PCDHA6: variants seen among roughly 807,000 people sequenced by gnomAD.
PCDHA6 encodes the protein protocadherin alpha-6.
A neutral mutation model predicts 60.3 loss-of-function variants in PCDHA6; 55 were observed. The observed-to-expected ratio is 0.91, with a 90% CI of 0.73 to 1.14. PCDHA6 has a LOEUF of 1.14. PCDHA6 is among the 50% of genes most tolerant of loss of function. The pLI is 0.00. For missense variants in PCDHA6, 1,327 were observed against 1,256.5 expected, an observed-to-expected ratio of 1.06 and a Z score of -0.85; for synonymous variants, 652 against 557.9, an observed-to-expected ratio of 1.17 and a Z score of -2.38.
chr5:140,872,354 A>G (rs2053612951), intron 1 of PCDHA6, among the ~76,000 whole-genome samples: 1 of 152,138 alleles, frequency 6.6e-6, no homozygotes, highest in Non-Finnish European at 1.5e-5. Context: ...TTGCCAGGCA[A>G]AGTGGTTCAG....
At chr5:140,917,522 G>A (rs931609211) in intron 1 of PCDHA6, among the ~76,000 whole-genome samples, 1 of 152,144 alleles carries the variant, frequency 6.6e-6, no homozygotes, top group Non-Finnish European at 1.5e-5. Context: ...TTTATTCTAC[G>A]GTTTGTATAG....
chr5:141,001,089 C>G (rs972790418), intron 3 of PCDHA6, among the ~76,000 whole-genome samples: 2 of 152,042 alleles, frequency 1.3e-5, no homozygotes, highest in Admixed American at 1.3e-4. Flanking sequence ...ACCCCATAAA[C>G]TGTCTAATCC....
intron 1 of PCDHA6, among the ~76,000 whole-genome samples, chr5:140,960,487 GGTTT>G: frequency 6.6e-6 from 1 of 152,236 alleles, no homozygotes; most frequent in South Asian, 2.1e-4. Context: ...CAGAGGTGTA[GGTTT>G]GTTTGTTCCA....
intron 3 of PCDHA6, among the ~76,000 whole-genome samples, chr5:140,995,275 A>G (rs1383239362): frequency 6.6e-6 from 1 of 152,146 alleles, no homozygotes; most frequent in African/African-American, 2.4e-5. Context: ...GCCCTTTGAT[A>G]CCAAAACAGC....
intron 3 of PCDHA6, among the ~76,000 whole-genome samples, chr5:140,994,582 G>A (rs1179279862): frequency 6.6e-6 from 1 of 152,062 alleles, no homozygotes; most frequent in Non-Finnish European, 1.5e-5. Context: ...GCATGCACTT[G>A]TAGTCTCAGC....
At chr5:140,984,612 G>T (rs2097111075) in intron 3 of PCDHA6, among the ~76,000 whole-genome samples, 1 of 152,026 alleles carries the variant, frequency 6.6e-6, no homozygotes, top group Admixed American at 6.6e-5. Flanking sequence ...CTGCATCAGT[G>T]GTGTAAAGTT....
intron 1 of PCDHA6, chr5:140,927,441 G>A: frequency 5.0e-6 from 8 of 1,614,130 alleles, no homozygotes; most frequent in Non-Finnish European, 4.2e-6. Context: ...GCGAATACCC[G>A]GAGTTGGTGT....
chr5:140,834,541 G>A, intron 1 of PCDHA6: 2 of 1,614,080 alleles, frequency 1.2e-6, no homozygotes, highest in African/African-American at 1.3e-5. Flanking sequence ...CAGGACCTGG[G>A]GCTGGAGCTG....
In PCDHA6 at chr5:141,010,428, A is replaced by G. The variant is rs2098417264; in HGVS notation, c.*491A>G. The G allele has an allele frequency of 9.2e-7, 1 of 1,087,372 alleles. No individual in the cohort carries two copies. Among genetic ancestry groups the G allele is most frequent in the East Asian group, 2.6e-5 (1 of 38,240 alleles). 67.4% of individuals were successfully genotyped at this position (1,087,372 alleles called of 1,614,324 possible). ...GACTAATTGGTACAAGGAAGGCAAG[A>G]AAACAAAGACAAATAAACAGCGGAA... On this transcript the variant is annotated 3_prime_UTR_variant, in exon 4 of 4. Transcript: ENST00000529310.
intron 1 of PCDHA6, chr5:140,841,651 G>A (rs2150320143): frequency 2.0e-5 from 32 of 1,614,034 alleles, no homozygotes; most frequent in Middle Eastern, 1.6e-4. Flanking sequence ...AGGTGATCGT[G>A]GACAGGCCGC....
At chr5:140,948,227 A>G (rs1214697523) in intron 1 of PCDHA6, among the ~76,000 whole-genome samples, 17 of 151,634 alleles carry the variant, frequency 1.1e-4, no homozygotes, top group African/African-American at 4.1e-4. Flanking sequence ...GTTAGATTTA[A>G]CTTGTATTTT....
chr5:140,853,659 A>T (rs1216918086), intron 1 of PCDHA6: 1 of 988,622 alleles, frequency 1.0e-6, no homozygotes, highest in African/African-American at 1.8e-5. Context: ...TGTTCCAGAC[A>T]AATTGGGGCC....
Position 141,000,421 on chromosome 5 carries a change from A to ATTTT in PCDHA6, c.2543-9186_2543-9183dup, listed in dbSNP as rs34755515. ...TATATATATATATATATATATATAT[A>ATTTT]TTTTTTTTTTTTTTTTTTTTTTTGA... On this transcript the variant is annotated intron_variant, in intron 3 of 3. Transcript: ENST00000529310. Among the ~76,000 whole-genome samples the ATTTT allele has an allele frequency of 6.1e-3, 170 of 27,980 alleles. 16 individuals carry two copies. The highest frequency in any genetic ancestry group is 7.4e-3 in the Non-Finnish European group (131 of 17,660). The allele number at this position is 27,980 out of a possible 152,430, so 18.4% of individuals were successfully genotyped here.
At chr5:140,892,553 C>T (rs2063570808) in intron 1 of PCDHA6, among the ~76,000 whole-genome samples, 1 of 152,170 alleles carries the variant, frequency 6.6e-6, no homozygotes, top group South Asian at 2.1e-4. Flanking sequence ...TTTCTCTAGT[C>T]CTTGGAGACT....
intron 3 of PCDHA6, among the ~76,000 whole-genome samples, chr5:141,000,387 C>A (rs868946328): frequency 8.2e-4 from 55 of 66,860 alleles, no homozygotes; most frequent in African/African-American, 2.7e-3. Context: ...CTCTCTCTCT[C>A]TCTCTCTCTA....
intron 1 of PCDHA6, among the ~76,000 whole-genome samples, chr5:140,941,250 T>TCCTTCCTTC (rs1441496906): frequency 7.2e-6 from 1 of 139,474 alleles, no homozygotes; most frequent in East Asian, 2.1e-4. Context: ...TTTCTTTCTT[T>TCCTTCCTTC]CTTTCTCTTT....
At chr5:140,938,705 A>G (rs1554212312) in intron 1 of PCDHA6, among the ~76,000 whole-genome samples, 1 of 152,150 alleles carries the variant, frequency 6.6e-6, no homozygotes, top group African/African-American at 2.4e-5. Context: ...ATATATGTTT[A>G]TGATAGAAAC....
intron 1 of PCDHA6, among the ~76,000 whole-genome samples, chr5:140,902,484 G>T (rs1211102117): frequency 3.3e-5 from 5 of 152,096 alleles, no homozygotes; most frequent in African/African-American, 1.2e-4. Context: ...TGCCTGCTCA[G>T]TATGATACTA....
rs79396364 is a variant in PCDHA6 at position 140,939,917 on chromosome 5, T to C, written c.2395-39032T>C. On this transcript the variant is annotated intron_variant, in intron 1 of 3. Transcript: ENST00000529310. ...TATTCTGCATTCTTTTTTATTCTTT[T>C]TGTTTGCTTATTTTATCAGTTACTG... is the stretch of plus-strand genomic sequence containing the variant. Among the ~76,000 whole-genome samples, 828 of 152,316 alleles carry C rather than the reference T, an allele frequency of 5.4e-3. 3 individuals carry two copies. The highest frequency in any genetic ancestry group is 0.019 in the African/African-American group (797 of 41,560).
Sources: gnomAD v4.1 joint callset for allele counts (sites outside exome capture counted in the v4.1 genomes callset) on GRCh38, gnomAD v4.1.1 for gene constraint, MANE v1.5 for transcripts, NCBI Gene and HGNC (gene_info 2026-07-23, HGNC 2026-07-21) for gene names.